Variants in SLC38A12 observed in about 807,000 individuals in gnomAD.
SLC38A12 encodes solute carrier family 38 member 12.
At chr17:74,777,856 G>A in the SLC38A12 span, 1 of 355,156 alleles carries the variant, frequency 2.8e-6, no homozygotes, top group East Asian at 7.6e-5. Context: ...GGACGTTGCA[G>A]TGAGCTGAGA....
At chr17:74,801,507 G>T in the SLC38A12 span, among the ~76,000 whole-genome samples, 1 of 152,160 alleles carries the variant, frequency 6.6e-6, no homozygotes, top group South Asian at 2.1e-4. Context: ...GTGTGGGGTT[G>T]TGAGCCCCTG....
chr17:74,788,675 A>G, the SLC38A12 span: 191 of 809,524 alleles, frequency 2.4e-4, no homozygotes, highest in Admixed American at 7.3e-4. Context: ...CAGCTCTCAG[A>G]AAAGAGAATG....
the SLC38A12 span, chr17:74,819,880 T>G: frequency 3.8e-6 from 6 of 1,572,978 alleles, no homozygotes; most frequent in Middle Eastern, 1.7e-4. Context: ...CTGCGCTTTC[T>G]CCTCTCGTCC....
the SLC38A12 span, among the ~76,000 whole-genome samples, chr17:74,792,239 C>A: frequency 9.7e-4 from 148 of 152,128 alleles, 1 homozygote; most frequent in Non-Finnish European, 8.7e-4. Flanking sequence ...TCACTTGAGA[C>A]CAGGAGTTGG....
chr17:74,810,172 A>G, the SLC38A12 span, among the ~76,000 whole-genome samples: 8 of 152,246 alleles, frequency 5.3e-5, no homozygotes, highest in African/African-American at 1.9e-4. Context: ...CGAGGCTGCC[A>G]GCTTGGCGTG....
chr17:74,814,639 G>T, the SLC38A12 span, among the ~76,000 whole-genome samples: 1 of 152,224 alleles, frequency 6.6e-6, no homozygotes, highest in African/African-American at 2.4e-5. Context: ...TGCCAAGTCA[G>T]GCACTGCCCC....
chr17:74,832,393 G>A, the SLC38A12 span, among the ~76,000 whole-genome samples: 1 of 152,198 alleles, frequency 6.6e-6, no homozygotes, highest in Non-Finnish European at 1.5e-5. Flanking sequence ...GAACTGGAGG[G>A]CCCTGCCCCC....
chr17:74,803,725 G>C, the SLC38A12 span, among the ~76,000 whole-genome samples: 1 of 152,046 alleles, frequency 6.6e-6, no homozygotes, highest in Admixed American at 6.6e-5. Context: ...CATTCCCCTC[G>C]AGAAGCTGAG....
the SLC38A12 span, chr17:74,790,165 C>G: frequency 2.6e-6 from 4 of 1,550,622 alleles, no homozygotes; most frequent in Middle Eastern, 6.7e-4. Context: ...CCCTTGTTTT[C>G]CTCCCTCCTC....
chr17:74,790,427 C>T, the SLC38A12 span: 1 of 791,100 alleles, frequency 1.3e-6, no homozygotes, highest in South Asian at 1.5e-5. Flanking sequence ...GAGGCAGGCC[C>T]TGTGGTAGAC....
At chr17:74,790,350 C>G in the SLC38A12 span, 5 of 1,531,816 alleles carry the variant, frequency 3.3e-6, no homozygotes, top group Non-Finnish European at 4.5e-6. Flanking sequence ...ACAGGGTTCC[C>G]TTTCTTCATG....
At chr17:74,795,769 T>C in the SLC38A12 span, 3 of 687,588 alleles carry the variant, frequency 4.4e-6, no homozygotes, top group Non-Finnish European at 7.4e-6. Flanking sequence ...GGCTAAGCAC[T>C]GGGGCCTTGG....
At chr17:74,806,390 C>T in the SLC38A12 span, among the ~76,000 whole-genome samples, 7 of 152,136 alleles carry the variant, frequency 4.6e-5, no homozygotes, top group Admixed American at 4.6e-4. Flanking sequence ...AGAATAATGC[C>T]GTGCACCCAT....
the SLC38A12 span, among the ~76,000 whole-genome samples, chr17:74,835,090 C>G: frequency 1.3e-5 from 2 of 152,212 alleles, no homozygotes; most frequent in Non-Finnish European, 2.9e-5. Context: ...CTGAAGCCAG[C>G]CTGGTCTCCA....
At chr17:74,816,874 T>C in the SLC38A12 span, among the ~76,000 whole-genome samples, 2 of 151,990 alleles carry the variant, frequency 1.3e-5, no homozygotes, top group Non-Finnish European at 2.9e-5. Flanking sequence ...CCCAAGAGAG[T>C]AGGCTGTCTC....
At chr17:74,782,860 T>G in the SLC38A12 span, among the ~76,000 whole-genome samples, 1 of 152,202 alleles carries the variant, frequency 6.6e-6, no homozygotes, top group Non-Finnish European at 1.5e-5. Flanking sequence ...CTGGGCGTGT[T>G]GGCTCACTCC....
At chr17:74,779,048 GCCT>G in the SLC38A12 span, among the ~76,000 whole-genome samples, 1 of 152,160 alleles carries the variant, frequency 6.6e-6, no homozygotes, top group Non-Finnish European at 1.5e-5. Context: ...ACAGCTCCTA[GCCT>G]CCTGCTGTCA....
At chr17:74,810,457 G>A in the SLC38A12 span, among the ~76,000 whole-genome samples, 1 of 152,196 alleles carries the variant, frequency 6.6e-6, no homozygotes, top group African/African-American at 2.4e-5. Context: ...GCAGGTGTTG[G>A]GCTAACACTA....
the SLC38A12 span, chr17:74,838,054 G>A: frequency 1.7e-4 from 171 of 985,728 alleles, no homozygotes; most frequent in Admixed American, 3.7e-4. Flanking sequence ...AGGGTCTCCC[G>A]GGGCCCAAGG....
Sources: gnomAD v4.1 joint callset for allele counts (sites outside exome capture counted in the v4.1 genomes callset) on GRCh38, gnomAD v4.1.1 for gene constraint, MANE v1.5 for transcripts, NCBI Gene and HGNC (gene_info 2026-07-23, HGNC 2026-07-21) for gene names.